MAML2: variants seen among roughly 807,000 people sequenced by gnomAD.
MAML2 encodes the protein mastermind like transcriptional coactivator 2.
A neutral mutation model predicts 96.1 loss-of-function variants in MAML2; 22 were observed. The observed-to-expected ratio is 0.23, with a 90% CI of 0.16 to 0.33. The LOEUF (loss-of-function observed/expected upper bound fraction) is 0.33. MAML2 is among the 10% of genes least tolerant of loss of function. The pLI, the probability that MAML2 is intolerant of heterozygous loss-of-function variation, is 1.00. For missense variants in MAML2, 1,367 were observed against 1,392.4 expected (o/e 0.98, Z 0.29); for synonymous variants, 561 against 521.3 (o/e 1.08, Z -1.04).
intron 1 of MAML2, among the ~76,000 whole-genome samples, chr11:96,300,243 T>C (rs1417840954): frequency 6.6e-6 from 1 of 152,102 alleles, no homozygotes; most frequent in Non-Finnish European, 1.5e-5. Flanking sequence ...ATGAAAGAAA[T>C]AGCCGGAGTG....
intron 1 of MAML2, among the ~76,000 whole-genome samples, chr11:96,211,499 G>A (rs563876698): frequency 6.6e-6 from 1 of 150,992 alleles, no homozygotes; most frequent in Non-Finnish European, 1.5e-5. Flanking sequence ...CTCAAAGTCT[G>A]TTGGGTGAGA....
chr11:96,178,864 T>A (rs370702018), intron 1 of MAML2, among the ~76,000 whole-genome samples: 2 of 152,192 alleles, frequency 1.3e-5, no homozygotes, highest in Non-Finnish European at 2.9e-5. Context: ...CAATCTCTTA[T>A]AAAATGGCAT....
intron 1 of MAML2, among the ~76,000 whole-genome samples, chr11:96,170,610 CGTGGAT>C (rs1565236483): frequency 1.3e-5 from 2 of 152,086 alleles, no homozygotes; most frequent in Non-Finnish European, 2.9e-5. Flanking sequence ...ATGTTTGATG[CGTGGAT>C]TATCAGGCAG....
intron 2 of MAML2, among the ~76,000 whole-genome samples, chr11:96,049,976 A>G (rs988452721): frequency 6.6e-6 from 1 of 152,068 alleles, no homozygotes; most frequent in South Asian, 2.1e-4. Flanking sequence ...ACCCCATCCA[A>G]CCGTGTTGGA....
At chr11:96,094,811 G>T (rs1257286939) in intron 1 of MAML2, among the ~76,000 whole-genome samples, 1 of 152,124 alleles carries the variant, frequency 6.6e-6, no homozygotes, top group Admixed American at 6.5e-5. Context: ...AATACACGAG[G>T]CAAGAAAACA....
intron 1 of MAML2, among the ~76,000 whole-genome samples, chr11:96,228,931 T>C (rs494471): frequency 1.3e-5 from 2 of 151,606 alleles, no homozygotes; most frequent in African/African-American, 4.9e-5. Flanking sequence ...TATTTTAAAC[T>C]TATTAGTTGT....
intron 1 of MAML2, among the ~76,000 whole-genome samples, chr11:96,201,953 A>G (rs1861829130): frequency 6.6e-6 from 1 of 151,500 alleles, no homozygotes; most frequent in Non-Finnish European, 1.5e-5. Context: ...GTATAGTACC[A>G]TGAAGGCCTC....
At chr11:96,010,740 G>A (rs1858253999) in intron 2 of MAML2, among the ~76,000 whole-genome samples, 1 of 152,198 alleles carries the variant, frequency 6.6e-6, no homozygotes, top group Non-Finnish European at 1.5e-5. Flanking sequence ...GTTAGAAAGA[G>A]AGAGAAAGAG....
chr11:96,303,170 A>G (rs1181137865), intron 1 of MAML2, among the ~76,000 whole-genome samples: 6 of 152,184 alleles, frequency 3.9e-5, no homozygotes, highest in African/African-American at 1.4e-4. Context: ...TTCTGCTGCC[A>G]ATGTTCTCTA....
At chr11:96,043,363 C>T (rs1858846949) in intron 2 of MAML2, among the ~76,000 whole-genome samples, 1 of 152,096 alleles carries the variant, frequency 6.6e-6, no homozygotes, top group African/African-American at 2.4e-5. Context: ...CAGAAAAGTA[C>T]TTCAAAAGAA....
chr11:96,290,233 T>C (rs1171728921), intron 1 of MAML2, among the ~76,000 whole-genome samples: 1 of 152,222 alleles, frequency 6.6e-6, no homozygotes, highest in South Asian at 2.1e-4. Flanking sequence ...AGCTGAACTC[T>C]AACAGAGATA....
At chr11:96,025,051 T>C (rs1164046747) in intron 2 of MAML2, among the ~76,000 whole-genome samples, 2 of 152,140 alleles carry the variant, frequency 1.3e-5, no homozygotes, top group Non-Finnish European at 2.9e-5. Context: ...TTACTGTGTA[T>C]ATACCCAAAA....
chr11:96,065,921 G>A (rs1468138170), intron 2 of MAML2, among the ~76,000 whole-genome samples: 1 of 152,120 alleles, frequency 6.6e-6, no homozygotes, highest in Admixed American at 6.5e-5. Flanking sequence ...TCTTGTGCTG[G>A]GCCCAGGCGC....
intron 2 of MAML2, among the ~76,000 whole-genome samples, chr11:96,089,888 T>C (rs967991117): frequency 3.3e-5 from 2 of 61,288 alleles, no homozygotes; most frequent in African/African-American, 1.4e-4. Context: ...CTCTGTATCA[T>C]ATATGTCATA....
At chr11:96,339,884 A>G (rs1251451650) in intron 1 of MAML2, among the ~76,000 whole-genome samples, 2 of 152,218 alleles carry the variant, frequency 1.3e-5, no homozygotes, top group East Asian at 3.8e-4. Context: ...AAGCGGGAAT[A>G]GAGCAGGTGG....
chr11:96,099,070 C>T (rs1050793464), intron 1 of MAML2, among the ~76,000 whole-genome samples: 2 of 151,802 alleles, frequency 1.3e-5, no homozygotes, highest in Admixed American at 1.3e-4. Context: ...CTTTTTTTCA[C>T]CCCAGGTAGA....
At chr11:96,318,744 T>G (rs1000320802) in intron 1 of MAML2, among the ~76,000 whole-genome samples, 1 of 152,216 alleles carries the variant, frequency 6.6e-6, no homozygotes, top group African/African-American at 2.4e-5. Flanking sequence ...CCTAAGGACT[T>G]AAAATAGCTG....
At chr11:96,148,893 A>T (rs982120125) in intron 1 of MAML2, among the ~76,000 whole-genome samples, 1 of 152,246 alleles carries the variant, frequency 6.6e-6, no homozygotes, top group African/African-American at 2.4e-5. Context: ...CTGCCCAGGC[A>T]GGAAGCTAGA....
At chr11:96,124,271 T>G (rs1325183103) in intron 1 of MAML2, among the ~76,000 whole-genome samples, 1 of 152,140 alleles carries the variant, frequency 6.6e-6, no homozygotes, top group African/African-American at 2.4e-5. Flanking sequence ...CGTTCCTCTG[T>G]GTTGGAAGTG....
Sources: allele counts gnomAD v4.1 joint callset (sites outside exome capture counted in the v4.1 genomes callset), GRCh38; gene constraint gnomAD v4.1.1; transcripts MANE v1.5; gene names NCBI Gene and HGNC (gene_info 2026-07-23, HGNC 2026-07-21).